Variants in MICAL3 observed in about 807,000 individuals in gnomAD.
MICAL3 encodes [F-actin]-monooxygenase MICAL3.
Under a neutral mutation model 207.4 loss-of-function variants are expected in MICAL3, and 62 were observed. The ratio of observed to expected loss-of-function variants is 0.30; its 90% confidence interval spans 0.24 to 0.37. The LOEUF is 0.37. MICAL3 is among the 10% of genes least tolerant of loss of function. The pLI, the probability that MICAL3 is intolerant of heterozygous loss-of-function variation, is 1.00. For missense variants in MICAL3, 2,368 were observed against 2,635.6 expected, an observed-to-expected ratio of 0.90 and a Z score of 2.22; for synonymous variants, 1,077 against 1,069.3, an observed-to-expected ratio of 1.01 and a Z score of -0.14.
chr22:17,879,364 C>G, intron 16 of MICAL3: 2 of 1,612,108 alleles, frequency 1.2e-6, no homozygotes, highest in Non-Finnish European at 1.7e-6. Flanking sequence ...GGTGGGGGCT[C>G]TGCTTGCCAC....
Position 17,902,045 on chromosome 22 carries a change from T to G in MICAL3, c.590-66A>C. On this transcript the variant is annotated intron_variant, in intron 4 of 31. Coordinates refer to ENST00000441493, the MANE Select transcript of MICAL3 (RefSeq NM_015241.3). This position sits in a 1 kb window ranked among gnomAD's most constrained non-coding sequence, Gnocchi z 4.5. ...CCACATTCACAGCCAGGACCATCTC[T>G]AGATACCCAGTCATGTGAACTGCAC... 1.5e-4 allele frequency: 173 copies of G among 1,120,510 alleles called. No individual in the cohort carries two copies. Among genetic ancestry groups the G allele is most frequent in the Non-Finnish European group, 2.0e-4 (151 of 761,358 alleles). 69.4% of individuals were successfully genotyped at this position (1,120,510 alleles called of 1,614,324 possible).
chr22:18,011,135 T>C (rs1327275888), intron 1 of MICAL3, among the ~76,000 whole-genome samples: 1 of 152,196 alleles, frequency 6.6e-6, no homozygotes. Context: ...CTCCAGGGAC[T>C]GTATCACACC....
At chr22:17,968,968 TC>T (rs1935280714) in intron 1 of MICAL3, among the ~76,000 whole-genome samples, 1 of 152,104 alleles carries the variant, frequency 6.6e-6, no homozygotes, top group African/African-American at 2.4e-5. Context: ...AACAAAATTA[TC>T]CCCCAACACA....
intron 1 of MICAL3, among the ~76,000 whole-genome samples, chr22:17,951,280 G>C (rs1052553659): frequency 1.4e-5 from 2 of 138,322 alleles, no homozygotes; most frequent in African/African-American, 6.0e-5. Flanking sequence ...ATCTGGACCC[G>C]GGGTCCGTCA....
At chr22:17,934,886 G>C (rs1933441925) in intron 1 of MICAL3, among the ~76,000 whole-genome samples, 1 of 151,968 alleles carries the variant, frequency 6.6e-6, no homozygotes, top group Non-Finnish European at 1.5e-5. Context: ...AAATACCTAG[G>C]AATCCAACTT....
At chr22:17,820,752 A>G (rs1187290333) in intron 25 of MICAL3, among the ~76,000 whole-genome samples, 2 of 150,988 alleles carry the variant, frequency 1.3e-5, no homozygotes, top group Non-Finnish European at 2.9e-5. Flanking sequence ...TTATTGCTTT[A>G]ATTTAAACAA....
chr22:17,871,704 A>T (rs1927742073), intron 17 of MICAL3, 133 bp downstream of exon 17: 4 of 758,480 alleles, frequency 5.3e-6, no homozygotes, highest in Non-Finnish European at 8.4e-6. Context: ...GAGGGGCAAG[A>T]AAGGCTGGGA....
At chr22:17,938,479 CTG>C (rs1933652730) in intron 1 of MICAL3, among the ~76,000 whole-genome samples, 1 of 152,188 alleles carries the variant, frequency 6.6e-6, no homozygotes, top group African/African-American at 2.4e-5. Flanking sequence ...CCCTACGCTG[CTG>C]TGTTACCAAT....
intron 21 of MICAL3, 114 bp from the exon 22 acceptor site, chr22:17,827,895 CAGAA>C (rs1922366957): frequency 1.8e-6 from 2 of 1,128,542 alleles, no homozygotes; most frequent in Non-Finnish European, 2.5e-6. Context: ...CAGTATGAAT[CAGAA>C]AGAAGTAAAA....
chr22:17,884,382 G>C, intron 16 of MICAL3: 1 of 1,556,856 alleles, frequency 6.4e-7, no homozygotes, highest in South Asian at 1.2e-5. Flanking sequence ...GCCAAGTGTG[G>C]GTGGGGACAG....
In MICAL3 at chr22:17,841,878, G is replaced by T. The variant is rs761909172; in HGVS notation, c.2745C>A (p.Ala915=). 2 of 1,578,376 alleles carry T rather than the reference G, an allele frequency of 1.3e-6. No homozygotes were observed. Among genetic ancestry groups the T allele is most frequent in the East Asian group, 2.3e-5 (1 of 42,834 alleles). Residue 915 remains alanine, a synonymous_variant, in exon 20 of 32, where the codon GCC becomes GCA. Transcript: ENST00000441493. The surrounding 1 kb of genome is among the most constrained non-coding windows in gnomAD (Gnocchi z 4.2). The stretch of plus-strand genomic sequence containing the variant: ...CCAGCACGCTGCTCAGGTTGTGCTC[G>T]GCCTGAGTCTCCTCCGGTACCTCCT... ...ALQEVPEETQ[A]EHNLSSVLDT... is the part of the protein sequence containing the mutation.
chr22:17,885,099 C>G (rs1308131031), intron 16 of MICAL3, among the ~76,000 whole-genome samples: 1 of 152,176 alleles, frequency 6.6e-6, no homozygotes, highest in Non-Finnish European at 1.5e-5. Context: ...TTTAGACAAT[C>G]AAGGGGAGAG....
intron 1 of MICAL3, among the ~76,000 whole-genome samples, chr22:17,907,923 A>G (rs192160513): frequency 1.2e-4 from 18 of 152,314 alleles, no homozygotes; most frequent in Admixed American, 5.2e-4. Context: ...GTAAATGACG[A>G]TATCTATGCC....
At chr22:18,003,494 G>A (rs1344072402) in intron 1 of MICAL3, among the ~76,000 whole-genome samples, 6 of 152,078 alleles carry the variant, frequency 3.9e-5, no homozygotes, top group South Asian at 2.1e-4. Flanking sequence ...CTAGAGCTGC[G>A]AAAGTGCTCG....
chr22:17,903,462 T>C (rs1243209145), intron 3 of MICAL3, among the ~76,000 whole-genome samples: 1 of 152,204 alleles, frequency 6.6e-6, no homozygotes, highest in Non-Finnish European at 1.5e-5. Flanking sequence ...AAGATGAATC[T>C]TGCCACAATT....
At chr22:17,962,441 C>G (rs879806748) in intron 1 of MICAL3, among the ~76,000 whole-genome samples, 2 of 152,204 alleles carry the variant, frequency 1.3e-5, no homozygotes, top group Admixed American at 6.5e-5. Flanking sequence ...CTCTTAGAGC[C>G]GGGCAGGAGA....
intron 1 of MICAL3, among the ~76,000 whole-genome samples, chr22:17,993,984 T>C (rs1490413769): frequency 6.6e-6 from 1 of 152,096 alleles, no homozygotes; most frequent in African/African-American, 2.4e-5. Flanking sequence ...CACTTCCTAG[T>C]GTGAAAAGCA....
chr22:17,811,018 C>T, intron 27 of MICAL3: 1 of 540,940 alleles, frequency 1.8e-6, no homozygotes. Flanking sequence ...TGCAGAGTCC[C>T]CAGCCTGCAG....
At chr22:17,974,124 C>G (rs9605459) in intron 1 of MICAL3, among the ~76,000 whole-genome samples, 7,584 of 152,192 alleles carry the variant, frequency 0.05, 356 homozygotes, top group African/African-American at 0.12. Context: ...GTTACTCTGG[C>G]TCCCAGGGTG....
Sources: allele counts gnomAD v4.1 joint callset (sites outside exome capture counted in the v4.1 genomes callset), GRCh38; gene constraint gnomAD v4.1.1; non-coding constraint Gnocchi (gnomAD v3.1); transcripts MANE v1.5; gene names NCBI Gene and HGNC (gene_info 2026-07-23, HGNC 2026-07-21).